Variants in SCRIB observed in about 807,000 individuals in gnomAD.
SCRIB encodes scribble planar cell polarity protein.
In SCRIB, 72 loss-of-function variants were observed where a neutral mutation model predicts 170.0. That is an observed-to-expected ratio of 0.42 (90% CI 0.35 to 0.52). The LOEUF (loss-of-function observed/expected upper bound fraction) is 0.52, where lower values mean the gene tolerates loss of function less well. SCRIB is among the 20% of genes least tolerant of loss of function. The probability of loss-of-function intolerance (pLI) is 0.02; values close to 1 mark genes in which losing one functional copy is unlikely to be tolerated. For synonymous variants in SCRIB, 1,298 were observed against 1,044.3 expected (o/e 1.24, Z -4.68); for missense variants, 2,475 against 2,338.5 (o/e 1.06, Z -1.20).
chr8:143,811,415 G>A, intron 9 of SCRIB, 70 bp from the exon 10 acceptor site: 3 of 1,418,056 alleles, frequency 2.1e-6, no homozygotes, highest in Non-Finnish European at 2.9e-6. Flanking sequence ...ACAGCCCCTG[G>A]CAGGAGGGCA....
intron 24 of SCRIB, 74 bp from the exon 25 acceptor site, chr8:143,795,604 C>T: frequency 1.6e-6 from 2 of 1,289,914 alleles, no homozygotes; most frequent in Non-Finnish European, 2.2e-6. Flanking sequence ...GCTGGGGTCC[C>T]AGCCCAGAAT....
chr8:143,805,003 G>A lies in SCRIB; in HGVS notation c.2682C>T (p.Val894=). ...PYRAGDAGIF[V]SRIAEGGAAH... Reference sequence around the variant, plus strand: ...CAGCACCGCCCTCGGCAATGCGGGAGACGAAGATGCCCTGCAGGGGAGGGT... The same window carrying A: ...CAGCACCGCCCTCGGCAATGCGGGAAACGAAGATGCCCTGCAGGGGAGGGT... The change falls in exon 20 of 37, where the codon GTC becomes GTT. Residue 894 remains valine (V), a synonymous_variant. Coordinates refer to ENST00000356994, the MANE Select transcript of SCRIB (RefSeq NM_182706.5). 3.2e-6 allele frequency: 5 copies of A among 1,586,708 alleles called. No individual in the cohort carries two copies. The highest frequency in any genetic ancestry group is 4.3e-6 in the Non-Finnish European group (5 of 1,169,884).
chr8:143,791,720 A>C lies in SCRIB; in HGVS notation c.4716T>G (p.Phe1572Leu). Residue 1572 changes from phenylalanine (F) to leucine (L), a missense_variant, in exon 35 of 37, where the codon TTT (phenylalanine) becomes TTG (leucine). Physicochemically the swap from Phe to Leu is conservative, Grantham distance 22. Transcript: ENST00000356994. ...PGRLPLSGKKFDYRAFAALPS... is the reference protein window; with the variant it reads ...PGRLPLSGKKLDYRAFAALPS... The stretch of plus-strand genomic sequence containing the variant: ...GCAGGGCCGCAAAGGCCCTGTAGTC[A>C]AACTTCTTTCCAGACAAGGGCTTGA... The C allele has an allele frequency of 6.2e-7, 1 of 1,602,234 alleles. No individual in the cohort carries two copies. The highest frequency in any genetic ancestry group is 8.5e-7 in the Non-Finnish European group (1 of 1,171,030).
intron 26 of SCRIB, 81 bp from the exon 27 acceptor site, chr8:143,795,193 TG>T (rs1424579715): frequency 6.3e-7 from 1 of 1,598,868 alleles, no homozygotes; most frequent in Non-Finnish European, 8.6e-7. Context: ...GAGGGGGTCC[TG>T]GGGGTTACTA....
In SCRIB at chr8:143,791,120, T is replaced by G. The variant is rs1554632455; in HGVS notation, c.*43A>C. On this transcript the variant is annotated 3_prime_UTR_variant, in exon 37 of 37. Transcript: ENST00000356994. ...CTTGGGGCAAGGGTGGTGCTGGAGCTGGCAGGGCCCCCACCCCAAGTCTGG... is the reference window on the plus strand; with the variant it reads ...CTTGGGGCAAGGGTGGTGCTGGAGCGGGCAGGGCCCCCACCCCAAGTCTGG... 1 of 1,384,240 alleles carries G rather than the reference T, an allele frequency of 7.2e-7. No homozygotes were observed. Among genetic ancestry groups the G allele is most frequent in the Non-Finnish European group, 9.4e-7 (1 of 1,069,364 alleles). 85.7% of individuals were successfully genotyped at this position (1,384,240 alleles called of 1,614,324 possible). A position where few individuals can be genotyped will look rare whatever the true frequency, so the allele number is the denominator to read the frequency against.
rs1012753299 is a variant in SCRIB at position 143,815,676 on chromosome 8, CGTCCGCCCGCTG to C, written c.-316_-305del. ...TCCTGCTCAGCTCGTCCCGCCCGCT[CGTCCGCCCGCTG>C]TGCCGCACCGGAACCGCCGCTGCCC... On this transcript the variant is annotated 5_prime_UTR_variant, in exon 1 of 37. Transcript: ENST00000356994. 1.4e-4 allele frequency: 139 copies of C among 983,072 alleles called. No individual in the cohort carries two copies. The African/African-American group carries it at 2.2e-3, about 16-fold the overall frequency. 60.9% of individuals were successfully genotyped at this position (983,072 alleles called of 1,614,324 possible).
At chr8:143,792,904 C>T (rs1402738001) in intron 29 of SCRIB, 37 bp from the exon 30 acceptor site, 5 of 1,501,664 alleles carry the variant, frequency 3.3e-6, no homozygotes, top group Middle Eastern at 1.8e-4. Flanking sequence ...GCTGGCATTC[C>T]TCCGAGATAC....
chr8:143,809,451 G>T, intron 14 of SCRIB, 100 bp downstream of exon 14: 1 of 1,330,472 alleles, frequency 7.5e-7, no homozygotes, highest in Non-Finnish European at 1.0e-6. Context: ...CAGGGCCCAG[G>T]CACTGCCTGC....
At chr8:143,810,641 C>A (rs540247787) in intron 12 of SCRIB, 37 bp from the exon 13 acceptor site, 1 of 1,605,834 alleles carries the variant, frequency 6.2e-7, no homozygotes, top group Admixed American at 1.7e-5. Flanking sequence ...AGCCACAGGG[C>A]AGGGGTCAGG....
intron 24 of SCRIB, among the ~76,000 whole-genome samples, chr8:143,801,337 G>A (rs1483642094): frequency 2.6e-5 from 4 of 152,212 alleles, no homozygotes; most frequent in Non-Finnish European, 5.9e-5. Flanking sequence ...GGCGACAAGC[G>A]AGACCTCATC....
In SCRIB at chr8:143,815,289, C is replaced by G; in HGVS notation, c.84G>C (p.Pro28=). The G allele has an allele frequency of 6.3e-7, 1 of 1,596,102 alleles. No homozygotes were observed. Among genetic ancestry groups the G allele is most frequent in the Non-Finnish European group, 8.5e-7 (1 of 1,174,114 alleles). Reference sequence around the variant, plus strand: ...TGCGGCTGTAGCGGTAGATCTCCTCCGGCACGGCCTGCAGCGAACAGTGCC... The same window carrying G: ...TGCGGCTGTAGCGGTAGATCTCCTCGGGCACGGCCTGCAGCGAACAGTGCC... The part of the protein sequence containing the change: ...DKRHCSLQAV[P]EEIYRYSRSL... The change falls in exon 1 of 37, where the codon CCG becomes CCC. Residue 28 remains proline (P), a synonymous_variant. Coordinates refer to ENST00000356994, the MANE Select transcript of SCRIB (RefSeq NM_182706.5).
intron 14 of SCRIB, 147 bp from the exon 15 acceptor site, chr8:143,809,172 T>C (rs989067608): frequency 1.8e-6 from 2 of 1,126,644 alleles, no homozygotes; most frequent in Admixed American, 2.9e-5. Context: ...GAGGGGCGCG[T>C]GTCTCAGCCC....
Position 143,805,005 on chromosome 8 carries a change from C to A in SCRIB, c.2680G>T (p.Val894Phe). The A allele has an allele frequency of 6.3e-7, 1 of 1,586,666 alleles. No individual in the cohort carries two copies. The highest frequency in any genetic ancestry group is 8.5e-7 in the Non-Finnish European group (1 of 1,169,830). ...PYRAGDAGIF[V>F]SRIAEGGAAH... ...GCACCGCCCTCGGCAATGCGGGAGACGAAGATGCCCTGCAGGGGAGGGTGG... is the reference window on the plus strand; with the variant it reads ...GCACCGCCCTCGGCAATGCGGGAGAAGAAGATGCCCTGCAGGGGAGGGTGG... Residue 894 changes from valine (V) to phenylalanine (F), a missense_variant, in exon 20 of 37, where the codon GTC (valine) becomes TTC (phenylalanine). Val to Phe is a conservative substitution (Grantham distance 50). Transcript: ENST00000356994.
In SCRIB at chr8:143,813,829, G is replaced by T; in HGVS notation, c.345C>A (p.Asn115Lys). ...KALEIADFSG[N>K]PLSRLPDGFT... is the part of the protein sequence containing the mutation. ...AGGCTGCCACCCACCTGGAGAGGGG[G>T]TTCCCGCTGAAGTCCGCGATCTCCA... Residue 115 changes from asparagine to lysine, a missense_variant, in exon 3 of 37, where the codon AAC becomes AAA. Around this residue, in one of 3 missense-constraint regions of SCRIB, gnomAD observed 487 missense variants for 558.1 expected, o/e 0.87. Transcript: ENST00000356994. 6.2e-7 allele frequency: 1 copy of T among 1,609,424 alleles called. No individual in the cohort carries two copies. The highest frequency in any genetic ancestry group is 8.5e-7 in the Non-Finnish European group (1 of 1,177,250).
chr8:143,797,377 G>A (rs990537186), intron 24 of SCRIB, among the ~76,000 whole-genome samples: 1 of 152,234 alleles, frequency 6.6e-6, no homozygotes, highest in African/African-American at 2.4e-5. Context: ...GGGAAGGCTC[G>A]GTGGCAGGAA....
rs1314612304 is a variant in SCRIB, at chr8:143,815,554, C to G, written c.-182G>C. 1 of 978,910 alleles carries G rather than the reference C, an allele frequency of 1.0e-6. No homozygotes were observed. Among genetic ancestry groups the G allele is most frequent in the Admixed American group, 6.3e-5 (1 of 15,768 alleles). The allele number at this position is 978,910 out of a possible 1,614,324, so 60.6% of individuals were successfully genotyped here. A position where few individuals can be genotyped will look rare whatever the true frequency, so the allele number is the denominator to read the frequency against. ...GGGCCCGGCCCGCGCTCGGAACGCT[C>G]GGACTGCGGGCCTGGGCAGGGGGCG... is the stretch of plus-strand genomic sequence containing the variant. On this transcript the variant is annotated 5_prime_UTR_variant, in exon 1 of 37. Transcript: ENST00000356994.
Position 143,808,682 on chromosome 8 carries a change from C to T in SCRIB, c.2042G>A (p.Arg681Lys), listed in dbSNP as rs749600637. The change falls in exon 15 of 37, where the codon AGG becomes AAG. Residue 681 changes from arginine to lysine, a missense_variant. Coordinates refer to ENST00000356994, the MANE Select transcript of SCRIB (RefSeq NM_182706.5). The stretch of plus-strand genomic sequence containing the variant: ...AGTGCTGGCCTCTTCCTCTTCAGCC[C>T]TGTTTTCCTCCTCCTCCTCTTCCTC... ...EEEEEEEEENRAEEEEASTEE... is the reference protein window; with the variant it reads ...EEEEEEEEENKAEEEEASTEE... The T allele has an allele frequency of 5.8e-6, 9 of 1,543,948 alleles. No individual in the cohort carries two copies. The African/African-American group carries it at 8.3e-5, about 14-fold the overall frequency.
intron 8 of SCRIB, 93 bp from the exon 9 acceptor site, chr8:143,812,477 G>A (rs1212595065): frequency 1.1e-5 from 10 of 946,000 alleles, no homozygotes; most frequent in Non-Finnish European, 1.7e-5. Flanking sequence ...CAGACAGCAA[G>A]GCCCCCAGCC....
chr8:143,795,237 C>T (rs1380175774), intron 26 of SCRIB, 40 bp downstream of exon 26: 3 of 1,611,438 alleles, frequency 1.9e-6, no homozygotes, highest in Admixed American at 3.3e-5. Context: ...GCACCCCGCT[C>T]CAGTGCCCTG....
Sources: allele counts gnomAD v4.1 joint callset (sites outside exome capture counted in the v4.1 genomes callset), GRCh38; gene constraint gnomAD v4.1.1; regional missense constraint gnomAD v4.1.1; transcripts MANE v1.5; gene names NCBI Gene and HGNC (gene_info 2026-07-23, HGNC 2026-07-21).